THRA: variants seen among roughly 807,000 people sequenced by gnomAD.
The protein encoded by THRA is EAR-7.
In THRA, 13 loss-of-function variants were observed where a neutral mutation model predicts 45.0. The observed-to-expected ratio is 0.29, with a 90% CI of 0.19 to 0.46. The LOEUF is 0.46. Among genes scored for constraint, THRA ranks in the 20% least tolerant of loss-of-function variants. The probability of loss-of-function intolerance (pLI) is 1.00; values close to 1 mark genes in which losing one functional copy is unlikely to be tolerated. For missense variants in THRA, 278 were observed against 556.1 expected (o/e 0.50, Z 5.03); for synonymous variants, 195 against 214.0 (o/e 0.91, Z 0.78).
chr17:40,071,641 T>G (rs1262035810), intron 1 of THRA, among the ~76,000 whole-genome samples: 1 of 152,224 alleles, frequency 6.6e-6, no homozygotes, highest in Non-Finnish European at 1.5e-5. Flanking sequence ...CCCTCGCCTC[T>G]GCAGAGGAGG....
At chr17:40,081,383 CCA>C (rs1400799064) in intron 4 of THRA, among the ~76,000 whole-genome samples, 1 of 152,036 alleles carries the variant, frequency 6.6e-6, no homozygotes, top group African/African-American at 2.4e-5. Flanking sequence ...ACCTCAGCCT[CCA>C]GAGTAGCTGG....
chr17:40,091,919 A>C lies in THRA; in HGVS notation c.*2463A>C, dbSNP rs939783524. On this transcript the variant is annotated 3_prime_UTR_variant, in exon 9 of 9. Transcript: ENST00000450525. ...CCCTCTCCTGGGGGCCATTGGTGCTAATGAGGGGGATGGCCTTGATGTGGG... is the reference window on the plus strand; with the variant it reads ...CCCTCTCCTGGGGGCCATTGGTGCTCATGAGGGGGATGGCCTTGATGTGGG... The C allele has an allele frequency of 3.3e-5, 5 of 152,060 alleles. No homozygotes were observed. The highest frequency in any genetic ancestry group is 1.2e-4 in the African/African-American group (5 of 41,282). The allele number at this position is 152,060 out of a possible 1,614,324, so 9.4% of individuals were successfully genotyped here.
rs777230459 is a variant in THRA at position 40,076,947 on chromosome 17, G to A, written c.121+9G>A. ...GAAAACCAGCATGTCAGGTGAGGCT[G>A]GCTGTGCGTGCCCCTTCTCCACGTC... On this transcript the variant is annotated intron_variant, in intron 3 of 8. Transcript: ENST00000450525. The A allele has an allele frequency of 5.6e-6, 9 of 1,613,690 alleles. No individual in the cohort carries two copies. In the Admixed American group the frequency reaches 1.3e-4, roughly 24 times the overall value.
Position 40,084,828 on chromosome 17 carries a change from G to C in THRA, c.576+13G>C. 4 of 1,612,516 alleles carry C rather than the reference G, an allele frequency of 2.5e-6. No homozygotes were observed. Among genetic ancestry groups the C allele is most frequent in the Non-Finnish European group, 3.4e-6 (4 of 1,179,908 alleles). On this transcript the variant is annotated intron_variant, in intron 6 of 8. Coordinates refer to ENST00000450525, the MANE Select transcript of THRA (RefSeq NM_199334.5). Reference sequence around the variant, plus strand: ...GCGGAAATTCCTGGTAAGGAGAAAGGGGGCATGGGGAGAGCAGTAGCCAGG... The same window carrying C: ...GCGGAAATTCCTGGTAAGGAGAAAGCGGGCATGGGGAGAGCAGTAGCCAGG...
At chr17:40,079,818 A>G (rs916597645) in intron 4 of THRA, among the ~76,000 whole-genome samples, 1 of 152,146 alleles carries the variant, frequency 6.6e-6, no homozygotes, top group African/African-American at 2.4e-5. Flanking sequence ...GTGACAGAGG[A>G]GGGATTATGA....
In THRA at chr17:40,092,101, C is replaced by T. The variant is rs3744805; in HGVS notation, c.*2645C>T. ...CAGAGCCATGACCACTACCCCGCCC[C>T]CACCACCCGCCTCTCCATCTCAGTA... On this transcript the variant is annotated 3_prime_UTR_variant, in exon 9 of 9. Transcript: ENST00000450525. The T allele has an allele frequency of 0.19, 29,640 of 152,012 alleles. 3,618 individuals carry two copies. The highest frequency in any genetic ancestry group is 0.57 in the East Asian group (2,944 of 5,134). 9.4% of individuals were successfully genotyped at this position (152,012 alleles called of 1,614,324 possible).
At chr17:40,067,181 C>G (rs887465619) in intron 1 of THRA, among the ~76,000 whole-genome samples, 30 of 151,764 alleles carry the variant, frequency 2.0e-4, no homozygotes, top group Non-Finnish European at 4.3e-4. Context: ...AGGCAGGCCC[C>G]TCTGCCCCAC....
At chr17:40,063,915 G>T (rs1342588564) in intron 1 of THRA, among the ~76,000 whole-genome samples, 1 of 151,830 alleles carries the variant, frequency 6.6e-6, no homozygotes, top group Non-Finnish European at 1.5e-5. Context: ...CGTTCCAGGG[G>T]TGGGGGTGGG....
At position 40,092,904 on chromosome 17, in the gene THRA, TGGG is replaced by T. The variant is rs1369417465; in HGVS notation, c.*3451_*3453del. 4 of 1,407,784 alleles carry T rather than the reference TGGG, an allele frequency of 2.8e-6. No homozygotes were observed. Among genetic ancestry groups the T allele is most frequent in the Admixed American group, 5.0e-5 (2 of 39,646 alleles). The allele number at this position is 1,407,784 out of a possible 1,614,324, so 87.2% of individuals were successfully genotyped here. On this transcript the variant is annotated 3_prime_UTR_variant, in exon 9 of 9. Transcript: ENST00000450525. Reference sequence around the variant, plus strand: ...TAGGGGAGGAGGGGAAGTTCGGTGATGGGGGAGGGAGGCAGGTATTTACAAGAA... The same window carrying T: ...TAGGGGAGGAGGGGAAGTTCGGTGATGGAGGGAGGCAGGTATTTACAAGAA...
intron 2 of THRA, among the ~76,000 whole-genome samples, chr17:40,075,002 A>G (rs1256352601): frequency 6.6e-6 from 1 of 152,264 alleles, no homozygotes; most frequent in Non-Finnish European, 1.5e-5. Context: ...TCATAGCCCA[A>G]GCTTATATTC....
intron 4 of THRA, among the ~76,000 whole-genome samples, chr17:40,079,464 C>T (rs1374636063): frequency 2.6e-5 from 4 of 152,180 alleles, no homozygotes; most frequent in Non-Finnish European, 4.4e-5. Flanking sequence ...AGGCTGGTCT[C>T]GAACTCCTGA....
rs1987472021 is a variant in THRA, at chr17:40,089,931, C to T, written c.*475C>T. 14 of 994,528 alleles carry T rather than the reference C, an allele frequency of 1.4e-5. No homozygotes were observed. In the South Asian group the frequency reaches 2.3e-4, roughly 16 times the overall value. The allele number at this position is 994,528 out of a possible 1,614,324, so 61.6% of individuals were successfully genotyped here. A position where few individuals can be genotyped will look rare whatever the true frequency, so the allele number is the denominator to read the frequency against. The stretch of plus-strand genomic sequence containing the variant: ...TCCCCAGATGCCTGGGTGCAAAGAA[C>T]GGCTTGGCTTGGCTCCTCCTCTGGA... On this transcript the variant is annotated 3_prime_UTR_variant, in exon 9 of 9. Coordinates refer to ENST00000450525, the MANE Select transcript of THRA (RefSeq NM_199334.5). This position sits in a 1 kb window ranked among gnomAD's most constrained non-coding sequence, Gnocchi z 6.1.
intron 6 of THRA, 59 bp from the exon 7 acceptor site, chr17:40,086,648 C>G: frequency 2.5e-6 from 4 of 1,583,546 alleles, no homozygotes; most frequent in Non-Finnish European, 3.4e-6. Context: ...GGGCAGGGAG[C>G]CTCAGTGAGA....
At chr17:40,068,684 C>T (rs2145044257) in intron 1 of THRA, among the ~76,000 whole-genome samples, 1 of 152,300 alleles carries the variant, frequency 6.6e-6, no homozygotes, top group African/African-American at 2.4e-5. Flanking sequence ...CAGCCATGCC[C>T]CTCAGCAGTG....
At chr17:40,070,116 C>T (rs1258558946) in intron 1 of THRA, among the ~76,000 whole-genome samples, 1 of 152,064 alleles carries the variant, frequency 6.6e-6, no homozygotes, top group East Asian at 1.9e-4. Flanking sequence ...TAAGGTCCCA[C>T]AGTGGCTAGG....
chr17:40,081,944 C>A (rs1409324988), intron 4 of THRA, among the ~76,000 whole-genome samples: 4 of 150,728 alleles, frequency 2.7e-5, no homozygotes, highest in African/African-American at 9.8e-5. Flanking sequence ...GCCTGGGTGA[C>A]AGAGTGAAAC....
At chr17:40,077,887 C>T (rs1399936771) in intron 4 of THRA, among the ~76,000 whole-genome samples, 2 of 152,028 alleles carry the variant, frequency 1.3e-5, no homozygotes, top group South Asian at 2.1e-4. Context: ...TTAGTAGAGA[C>T]GGGGTTTCAC....
chr17:40,070,329 T>C (rs76713974), intron 1 of THRA, among the ~76,000 whole-genome samples: 7,060 of 152,222 alleles, frequency 0.046, 239 homozygotes, highest in Non-Finnish European at 0.074. Flanking sequence ...TTCCTGGCAC[T>C]AGGATAACAG....
intron 1 of THRA, among the ~76,000 whole-genome samples, chr17:40,073,726 A>G (rs1986856055): frequency 6.6e-6 from 1 of 152,106 alleles, no homozygotes; most frequent in Non-Finnish European, 1.5e-5. Flanking sequence ...ATGGGCATTC[A>G]TGCTCACTGC....
Sources: gnomAD v4.1 joint callset for allele counts (sites outside exome capture counted in the v4.1 genomes callset) on GRCh38, gnomAD v4.1.1 for gene constraint, Gnocchi (gnomAD v3.1) non-coding constraint, MANE v1.5 for transcripts, NCBI Gene and HGNC (gene_info 2026-07-23, HGNC 2026-07-21) for gene names.